ATP9B: variants seen among roughly 807,000 people sequenced by gnomAD.
ATP9B encodes the protein ATPase phospholipid transporting 9B.
ATP9B carries 110 observed loss-of-function variants against 146.1 expected under a neutral mutation model. The observed-to-expected ratio is 0.75, with a 90% CI of 0.65 to 0.88. ATP9B has a LOEUF of 0.88. Among genes scored for constraint, ATP9B ranks in the 40% least tolerant of loss-of-function variants. The probability of loss-of-function intolerance (pLI) is 0.00; values close to 1 mark genes in which losing one functional copy is unlikely to be tolerated. For synonymous variants in ATP9B, 604 were observed against 569.7 expected (o/e 1.06, Z -0.86); for missense variants, 1,499 against 1,496.4 (o/e 1.00, Z -0.03).
At chr18:79,215,567 A>C (rs1413023087) in intron 11 of ATP9B, among the ~76,000 whole-genome samples, 1 of 152,258 alleles carries the variant, frequency 6.6e-6, no homozygotes, top group African/African-American at 2.4e-5. Flanking sequence ...GTAGTTCTAC[A>C]ATAGTGTTAC....
intron 11 of ATP9B, among the ~76,000 whole-genome samples, chr18:79,234,069 T>G (rs1406743818): frequency 6.6e-6 from 1 of 152,066 alleles, no homozygotes; most frequent in Non-Finnish European, 1.5e-5. Flanking sequence ...TGTTCAAGGG[T>G]CAACTACAGG....
chr18:79,090,183 C>T (rs933156778), intron 1 of ATP9B, among the ~76,000 whole-genome samples: 11 of 152,310 alleles, frequency 7.2e-5, no homozygotes, highest in Admixed American at 6.5e-4. Context: ...TTGATGGACA[C>T]TTAGATTGCT....
intron 6 of ATP9B, among the ~76,000 whole-genome samples, chr18:79,150,900 G>A (rs1311255507): frequency 2.0e-5 from 3 of 152,078 alleles, no homozygotes; most frequent in Non-Finnish European, 4.4e-5. Context: ...GCTTGGGCCC[G>A]GGAATTCAAG....
At chr18:79,111,343 T>G (rs1386634311) in intron 3 of ATP9B, among the ~76,000 whole-genome samples, 1 of 152,194 alleles carries the variant, frequency 6.6e-6, no homozygotes, top group Non-Finnish European at 1.5e-5. Flanking sequence ...CTTGTATATT[T>G]AATTTAAATA....
chr18:79,209,947 C>G (rs114646001), intron 10 of ATP9B, among the ~76,000 whole-genome samples: 2,421 of 152,168 alleles, frequency 0.016, 66 homozygotes, highest in African/African-American at 0.056. Flanking sequence ...TTGAGAATTC[C>G]TTTTACTCTT....
At chr18:79,176,526 A>C (rs931292501) in intron 7 of ATP9B, among the ~76,000 whole-genome samples, 7 of 152,218 alleles carry the variant, frequency 4.6e-5, no homozygotes, top group Admixed American at 1.3e-4. Context: ...AGTTTTTCTA[A>C]AATAGAAGGC....
intron 4 of ATP9B, among the ~76,000 whole-genome samples, chr18:79,114,120 C>T (rs1193040955): frequency 1.3e-5 from 2 of 152,086 alleles, no homozygotes; most frequent in African/African-American, 4.8e-5. Context: ...ACAGGCACAC[C>T]TGGCTAATTT....
At chr18:79,147,887 G>A (rs2094617150) in intron 6 of ATP9B, among the ~76,000 whole-genome samples, 1 of 152,040 alleles carries the variant, frequency 6.6e-6, no homozygotes, top group Admixed American at 6.6e-5. Context: ...ACAAAAGCTG[G>A]TTCTTCTAAA....
rs749712458 is a variant in ATP9B at position 79,344,318 on chromosome 18, T to G, written c.2436T>G (p.His812Gln). The change falls in exon 21 of 30, where the codon CAT becomes CAG. Residue 812 changes from histidine (H) to glutamine (Q), a missense_variant. By Grantham distance (24) the His-to-Gln change is conservative. Coordinates refer to ENST00000426216, the MANE Select transcript of ATP9B (RefSeq NM_198531.5). ...AGCTGAATGCATTTCGAAGGAAGCA[T>G]GATTGTGCACTAGTCATATCTGGGG... ...HLELNAFRRK[H>Q]DCALVISGDS... 2 of 1,614,208 alleles carry G rather than the reference T, an allele frequency of 1.2e-6. No individual in the cohort carries two copies. Among genetic ancestry groups the G allele is most frequent in the Admixed American group, 3.3e-5 (2 of 60,028 alleles).
chr18:79,134,568 C>G (rs9962561), intron 5 of ATP9B, among the ~76,000 whole-genome samples: 20,539 of 152,216 alleles, frequency 0.13, 1,473 homozygotes, highest in East Asian at 0.2. Flanking sequence ...TGGTCTAAGG[C>G]CAGGGGGCTG....
intron 11 of ATP9B, among the ~76,000 whole-genome samples, chr18:79,221,226 C>G (rs533081555): frequency 5.3e-5 from 8 of 152,138 alleles, no homozygotes; most frequent in Non-Finnish European, 5.9e-5. Flanking sequence ...TGGGCCCTCA[C>G]CACCTCCACC....
At chr18:79,203,331 C>T (rs1225889543) in intron 9 of ATP9B, among the ~76,000 whole-genome samples, 1 of 151,242 alleles carries the variant, frequency 6.6e-6, no homozygotes, top group Non-Finnish European at 1.5e-5. Flanking sequence ...GGCAGGAGGG[C>T]GTAGAGGAGC....
chr18:79,205,892 T>A (rs563085347), intron 9 of ATP9B, among the ~76,000 whole-genome samples: 2 of 152,312 alleles, frequency 1.3e-5, no homozygotes, highest in Admixed American at 1.3e-4. Flanking sequence ...TAGCATCATA[T>A]AACGTACTTG....
intron 11 of ATP9B, among the ~76,000 whole-genome samples, chr18:79,223,366 A>G (rs1298915656): frequency 6.6e-6 from 1 of 152,196 alleles, no homozygotes; most frequent in Admixed American, 6.5e-5. Context: ...GTTGCATACA[A>G]TCATAGAATG....
chr18:79,240,645 T>C (rs2095878992), intron 11 of ATP9B, among the ~76,000 whole-genome samples: 1 of 152,206 alleles, frequency 6.6e-6, no homozygotes, highest in African/African-American at 2.4e-5. Context: ...CTCCAGAGGC[T>C]GAGGCAGGAG....
intron 10 of ATP9B, among the ~76,000 whole-genome samples, chr18:79,213,354 T>G (rs1170757598): frequency 6.8e-6 from 1 of 147,486 alleles, no homozygotes; most frequent in African/African-American, 2.7e-5. Flanking sequence ...GGATATTTTA[T>G]TATTCTTTTC....
In ATP9B at chr18:79,297,597, A is replaced by C. The variant is rs184994240; in HGVS notation, c.1412-6007A>C. Among the ~76,000 whole-genome samples the C allele has an allele frequency of 5.9e-5, 9 of 152,352 alleles. No individual in the cohort carries two copies. The East Asian group carries it at 1.7e-3, about 29-fold the overall frequency. ...CTATGTGGGTGTCCATTAGGACTGT[A>C]GTTTGTCCTGTAGCTTAATTTTACT... On this transcript the variant is annotated intron_variant, in intron 13 of 29. Transcript: ENST00000426216.
intron 17 of ATP9B, among the ~76,000 whole-genome samples, chr18:79,332,158 G>C (rs115293331): frequency 6.6e-6 from 1 of 152,164 alleles, no homozygotes; most frequent in Non-Finnish European, 1.5e-5. Flanking sequence ...GGCTGGGTAC[G>C]GTGGCTTACG....
chr18:79,287,786 G>C (rs1375457023), intron 13 of ATP9B, among the ~76,000 whole-genome samples: 2 of 151,284 alleles, frequency 1.3e-5, no homozygotes, highest in Admixed American at 1.3e-4. Context: ...ACACTGCTTT[G>C]AATGTGTCCC....
Sources: allele counts gnomAD v4.1 joint callset (sites outside exome capture counted in the v4.1 genomes callset), GRCh38; gene constraint gnomAD v4.1.1; transcripts MANE v1.5; gene names NCBI Gene and HGNC (gene_info 2026-07-23, HGNC 2026-07-21).